The following ACCSL variants were observed in gnomAD, a reference collection of about 807,000 sequenced individuals.
The protein encoded by ACCSL is 1-aminocyclopropane-1-carboxylate synthase homolog (inactive) like.
ACCSL carries 55 observed loss-of-function variants against 61.7 expected under a neutral mutation model. The ratio of observed to expected loss-of-function variants is 0.89; its 90% CI spans 0.72 to 1.12. The LOEUF is 1.12. Ranked by LOEUF, ACCSL falls within the 50% of genes most tolerant of loss-of-function variation. The pLI is 0.00. For missense variants in ACCSL, 632 were observed against 698.0 expected, an observed-to-expected ratio of 0.91 and a Z score of 1.07; for synonymous variants, 258 against 264.3, an observed-to-expected ratio of 0.98 and a Z score of 0.23.
chr11:43,922,903 A>G, the ACCSL span, among the ~76,000 whole-genome samples: 2 of 152,228 alleles, frequency 1.3e-5, no homozygotes, highest in Admixed American at 6.5e-5. Context: ...ACTTGCTTCA[A>G]ACATGGGTTG....
chr11:43,997,402 A>G, the ACCSL span, among the ~76,000 whole-genome samples: 77 of 152,058 alleles, frequency 5.1e-4, 1 homozygote, highest in Admixed American at 3.6e-3. Flanking sequence ...CACGTATATC[A>G]GGTTAATTCT....
the ACCSL span, among the ~76,000 whole-genome samples, chr11:44,010,327 G>T: frequency 6.6e-6 from 1 of 152,072 alleles, no homozygotes; most frequent in East Asian, 1.9e-4. Context: ...TGACAAGAGC[G>T]AAACTCTGTC....
the ACCSL span, chr11:43,943,416 C>A: frequency 7.0e-7 from 1 of 1,436,202 alleles, no homozygotes; most frequent in Non-Finnish European, 9.2e-7. The surrounding 1 kb of genome is among the most constrained non-coding windows in gnomAD (Gnocchi z 4.8). Context: ...GACTCCCGCC[C>A]CGCTGCGAAC....
At chr11:43,958,106 G>A in the ACCSL span, among the ~76,000 whole-genome samples, 3 of 152,190 alleles carry the variant, frequency 2.0e-5, no homozygotes, top group African/African-American at 7.2e-5. Context: ...AGGCTAAATT[G>A]TTCTTGTAAA....
At position 44,059,830 on chromosome 11, in the gene ACCSL, C is replaced by A. The variant is rs762693781; in HGVS notation, c.1625-8C>A. On this transcript the variant is annotated splice_polypyrimidine_tract_variant and splice_region_variant and intron_variant, in intron 13 of 13. Coordinates refer to ENST00000378832, the MANE Select transcript of ACCSL (RefSeq NM_001031854.2). Reference sequence around the variant, plus strand: ...CTATTTCTCTCTGTCCCCATTTGAACCCTCTAGCTATGCGTCGGTTCTGTG... The same window carrying A: ...CTATTTCTCTCTGTCCCCATTTGAAACCTCTAGCTATGCGTCGGTTCTGTG... 7.4e-6 allele frequency: 12 copies of A among 1,612,318 alleles called. No individual in the cohort carries two copies. The highest frequency in any genetic ancestry group is 1.0e-5 in the Non-Finnish European group (12 of 1,179,008).
chr11:44,028,409 G>A, the ACCSL span, among the ~76,000 whole-genome samples: 1 of 152,122 alleles, frequency 6.6e-6, no homozygotes, highest in African/African-American at 2.4e-5. Flanking sequence ...GTGCTGTGCT[G>A]TATGGTGGCC....
chr11:44,049,794 A>C (rs142206822), intron 1 of ACCSL, among the ~76,000 whole-genome samples: 2 of 152,344 alleles, frequency 1.3e-5, no homozygotes, highest in East Asian at 3.9e-4. Context: ...AAGACAACTC[A>C]CAAGAAGCAC....
chr11:43,981,173 T>G, the ACCSL span, among the ~76,000 whole-genome samples: 1 of 152,222 alleles, frequency 6.6e-6, no homozygotes, highest in Non-Finnish European at 1.5e-5. Flanking sequence ...AGGTGGACTT[T>G]ATCCGCCTGG....
At chr11:43,977,919 G>A in the ACCSL span, among the ~76,000 whole-genome samples, 7 of 151,692 alleles carry the variant, frequency 4.6e-5, no homozygotes, top group African/African-American at 1.7e-4. Flanking sequence ...TATAGAATAT[G>A]CTTCCTACTT....
chr11:43,982,226 C>CTTTTTT, the ACCSL span, among the ~76,000 whole-genome samples: 6 of 86,322 alleles, frequency 7.0e-5, no homozygotes, highest in Non-Finnish European at 1.1e-4. Context: ...CCAAGGCCCT[C>CTTTTTT]TTTTTTTTTT....
At chr11:44,023,281 G>A in the ACCSL span, among the ~76,000 whole-genome samples, 19 of 151,842 alleles carry the variant, frequency 1.3e-4, no homozygotes, top group African/African-American at 1.7e-4. Context: ...TTGAACTCCC[G>A]GGCTCAAGCA....
chr11:44,044,771 C>T (rs1952589394), upstream of ACCSL, among the ~76,000 whole-genome samples: 1 of 152,144 alleles, frequency 6.6e-6, no homozygotes, highest in Non-Finnish European at 1.5e-5. Flanking sequence ...ACTTCATTTC[C>T]CACATTCATT....
chr11:44,053,312 T>G (rs1164074667), intron 7 of ACCSL, 94 bp from the exon 8 acceptor site: 1 of 1,295,322 alleles, frequency 7.7e-7, no homozygotes, highest in Non-Finnish European at 1.1e-6. Context: ...TACCTAGGCC[T>G]TTTTGGGTGC....
chr11:44,036,362 T>C, the ACCSL span, among the ~76,000 whole-genome samples: 2 of 152,234 alleles, frequency 1.3e-5, no homozygotes, highest in Admixed American at 1.3e-4. Flanking sequence ...TAGCATGAAC[T>C]TGGACAAGAT....
the ACCSL span, among the ~76,000 whole-genome samples, chr11:44,003,494 A>G: frequency 4.7e-4 from 71 of 152,188 alleles, no homozygotes; most frequent in African/African-American, 1.5e-3. Context: ...CTCTACAAAA[A>G]GTACAAAAAT....
chr11:43,978,353 A>G, the ACCSL span, among the ~76,000 whole-genome samples: 110 of 152,238 alleles, frequency 7.2e-4, no homozygotes, highest in Non-Finnish European at 1.2e-3. Flanking sequence ...TTGGGCTGCC[A>G]TTTTGTATAA....
upstream of ACCSL, among the ~76,000 whole-genome samples, chr11:44,044,912 T>C (rs749125471): frequency 1.1e-4 from 17 of 152,064 alleles, no homozygotes; most frequent in African/African-American, 2.4e-5. Flanking sequence ...GAAAGGTAGA[T>C]GGTGGGAGGC....
upstream of ACCSL, among the ~76,000 whole-genome samples, chr11:44,043,658 T>G (rs1952585727): frequency 6.6e-6 from 1 of 152,216 alleles, no homozygotes; most frequent in African/African-American, 2.4e-5. Flanking sequence ...CATTTTCTCT[T>G]CTTTTGGGAC....
In ACCSL at chr11:44,051,387, C is replaced by A. The variant is rs202077224; in HGVS notation, c.688C>A (p.Arg230=). ...FLTYYCRAPT[R]LDPENVVVLN... ...GACCTACTACTGCAGGGCACCTACC[C>A]GACTTGACCCAGAAAATGTGAGTCA... The change falls in exon 4 of 14, where the codon CGA becomes AGA. Residue 230 remains arginine (R), a synonymous_variant. Transcript: ENST00000378832. The A allele has an allele frequency of 6.2e-7, 1 of 1,614,184 alleles. No individual in the cohort carries two copies. The highest frequency in any genetic ancestry group is 1.1e-5 in the South Asian group (1 of 91,076).
Sources: gnomAD v4.1 joint callset for allele counts (sites outside exome capture counted in the v4.1 genomes callset) on GRCh38, gnomAD v4.1.1 for gene constraint, Gnocchi (gnomAD v3.1) non-coding constraint, MANE v1.5 for transcripts, NCBI Gene and HGNC (gene_info 2026-07-23, HGNC 2026-07-21) for gene names.